DDX60: variants seen among roughly 807,000 people sequenced by gnomAD.
DDX60 encodes probable ATP-dependent RNA helicase DDX60.
A neutral mutation model predicts 212.8 loss-of-function variants in DDX60; 165 were observed. The observed-to-expected ratio is 0.78, with a 90% CI of 0.68 to 0.88. The LOEUF (loss-of-function observed/expected upper bound fraction) is 0.88. DDX60 is among the 40% of genes least tolerant of loss of function. The pLI is 0.00. For synonymous variants in DDX60, 703 were observed against 685.3 expected (o/e 1.03, Z -0.40); for missense variants, 1,905 against 2,003.9 (o/e 0.95, Z 0.94).
chr4:168,227,148 T>C (rs1350160327), intron 33 of DDX60, among the ~76,000 whole-genome samples: 1 of 152,010 alleles, frequency 6.6e-6, no homozygotes, highest in Non-Finnish European at 1.5e-5. Context: ...ATGTTATCCT[T>C]ACAAAGTTTG....
chr4:168,314,994 A>C (rs1270192760), intron 1 of DDX60, among the ~76,000 whole-genome samples: 2 of 152,206 alleles, frequency 1.3e-5, no homozygotes, highest in Non-Finnish European at 2.9e-5. Flanking sequence ...AAGAAATGGA[A>C]GTCAGGCCAT....
At position 168,280,483 on chromosome 4, in the gene DDX60, C is replaced by G. The variant is rs772207610; in HGVS notation, c.1830G>C (p.Glu610Asp). The change falls in exon 14 of 38, where the codon GAG (glutamate) becomes GAC (aspartate). Residue 610 changes from glutamate to aspartate, a missense_variant. Glu to Asp is a conservative substitution (Grantham distance 45). Transcript: ENST00000393743. The stretch of plus-strand genomic sequence containing the variant: ...CAGAGTGTAAATTTTCTTTCAATTG[C>G]TCTTCAATAGAAAATGACAAAGCAT... ...KWNALSFSIE[E>D]QLKENLHSGI... is the part of the protein sequence containing the mutation. 6.2e-7 allele frequency: 1 copy of G among 1,614,108 alleles called. No individual in the cohort carries two copies. The highest frequency in any genetic ancestry group is 1.1e-5 in the South Asian group (1 of 91,082).
At chr4:168,319,402 G>T (rs1456367132), upstream of DDX60, among the ~76,000 whole-genome samples, 1 of 152,126 alleles carries the variant, frequency 6.6e-6, no homozygotes, top group Non-Finnish European at 1.5e-5. Context: ...TGAAATTGGA[G>T]ATCTTGCTGC....
At chr4:168,301,437 G>C (rs1228158562) in intron 6 of DDX60, among the ~76,000 whole-genome samples, 1 of 152,132 alleles carries the variant, frequency 6.6e-6, no homozygotes. Flanking sequence ...AGAAAGTACA[G>C]AAAGATGAGG....
Position 168,220,097 on chromosome 4 carries a change from T to C in DDX60, c.5039+558A>G, listed in dbSNP as rs139758325. On this transcript the variant is annotated intron_variant, in intron 37 of 37. Coordinates refer to ENST00000393743, the MANE Select transcript of DDX60 (RefSeq NM_017631.6). ...CAACTAAGCAACAGTAGATGGTCAA[T>C]GAAGCCTAAGAATGGGGTACCCACA... is the stretch of plus-strand genomic sequence containing the variant. Among the ~76,000 whole-genome samples the C allele has an allele frequency of 1.9e-3, 282 of 152,054 alleles. 1 individual carries two copies. The highest frequency in any genetic ancestry group is 3.1e-3 in the Admixed American group (48 of 15,266).
At position 168,225,599 on chromosome 4, in the gene DDX60, G is replaced by T; in HGVS notation, c.4611C>A (p.Thr1537=). The change falls in exon 34 of 38, where the codon ACC becomes ACA. Residue 1537 remains threonine, a synonymous_variant. Coordinates refer to ENST00000393743, the MANE Select transcript of DDX60 (RefSeq NM_017631.6). The stretch of plus-strand genomic sequence containing the variant: ...GTTTGGAAACAATTCGTAGGAAAGT[G>T]GTAAAGTCCTCCATAATTTTCATGT... ...EYNMKIMEDF[T]TFLRIVSKLA... The T allele has an allele frequency of 4.3e-6, 7 of 1,611,250 alleles. No homozygotes were observed. The highest frequency in any genetic ancestry group is 5.9e-6 in the Non-Finnish European group (7 of 1,178,696).
intron 12 of DDX60, among the ~76,000 whole-genome samples, chr4:168,284,400 G>A (rs1735729190): frequency 6.6e-6 from 1 of 152,174 alleles, no homozygotes; most frequent in Non-Finnish European, 1.5e-5. Context: ...ACTGTTAGTG[G>A]TTTCATGGGC....
intron 6 of DDX60, among the ~76,000 whole-genome samples, chr4:168,296,183 G>A (rs1295596006): frequency 6.6e-6 from 1 of 152,074 alleles, no homozygotes; most frequent in African/African-American, 2.4e-5. Flanking sequence ...GCAAGGTGAT[G>A]GATATGTTAA....
intron 30 of DDX60, among the ~76,000 whole-genome samples, chr4:168,243,779 C>T (rs1733930389): frequency 6.6e-6 from 1 of 152,156 alleles, no homozygotes; most frequent in Non-Finnish European, 1.5e-5. Flanking sequence ...AAATATAAAT[C>T]ATTCCATTAT....
At position 168,220,730 on chromosome 4, in the gene DDX60, A is replaced by C; in HGVS notation, c.4977-13T>G. 1.5e-6 allele frequency: 2 copies of C among 1,346,328 alleles called. No individual in the cohort carries two copies. The highest frequency in any genetic ancestry group is 2.0e-6 in the Non-Finnish European group (2 of 1,016,674). The allele number at this position is 1,346,328 out of a possible 1,614,324, so 83.4% of individuals were successfully genotyped here. On this transcript the variant is annotated splice_polypyrimidine_tract_variant and intron_variant, in intron 36 of 37. Coordinates refer to ENST00000393743, the MANE Select transcript of DDX60 (RefSeq NM_017631.6). ...TCCTTCATTCATCCTAAAGAAAACA[A>C]CATTTTGAAAATTAATAATACAAAA...
chr4:168,288,372 T>C (rs1560861581), intron 8 of DDX60, 57 bp from the exon 9 acceptor site: 1 of 1,226,050 alleles, frequency 8.2e-7, no homozygotes, highest in Admixed American at 2.5e-5. Context: ...CAATAAACTA[T>C]AGGGTTCATA....
At chr4:168,269,528 A>G (rs1195026227) in intron 19 of DDX60, among the ~76,000 whole-genome samples, 3 of 151,974 alleles carry the variant, frequency 2.0e-5, no homozygotes, top group Admixed American at 1.3e-4. Context: ...GTGAACCCGG[A>G]AGGCAGAGCT....
At position 168,293,812 on chromosome 4, in the gene DDX60, G is replaced by A; in HGVS notation, c.857C>T (p.Ser286Phe). The A allele has an allele frequency of 6.2e-7, 1 of 1,613,474 alleles. No homozygotes were observed. The highest frequency in any genetic ancestry group is 8.5e-7 in the Non-Finnish European group (1 of 1,179,744). The change falls in exon 7 of 38, where the codon TCT becomes TTT. Residue 286 changes from serine (S) to phenylalanine (F), a missense_variant. Transcript: ENST00000393743. ...HRFLGNREPSSGQETEIQQVN... is the reference protein window; with the variant it reads ...HRFLGNREPSFGQETEIQQVN... ...CTGTTGGATCTCAGTTTCCTGACCA[G>A]AGGAGGGCTCTCTGTTTCCTAAAAA...
chr4:168,317,074 AAAG>A (rs796450745), intron 1 of DDX60, among the ~76,000 whole-genome samples: 36 of 148,928 alleles, frequency 2.4e-4, no homozygotes, highest in Non-Finnish European at 3.7e-4. Flanking sequence ...AAAAAAAAAA[AAAG>A]AAGAAGAAGA....
intron 28 of DDX60, among the ~76,000 whole-genome samples, chr4:168,249,241 T>C (rs1002623105): frequency 2.0e-5 from 3 of 152,180 alleles, no homozygotes; most frequent in African/African-American, 4.8e-5. Context: ...TAAATTGTCA[T>C]AACTGAGCAG....
chr4:168,275,198 A>C, intron 16 of DDX60, 147 bp downstream of exon 16: 1 of 767,406 alleles, frequency 1.3e-6, no homozygotes, highest in South Asian at 3.1e-5. Context: ...TGGGGAAAAA[A>C]TAGTCCACAT....
At chr4:168,218,376 A>T (rs1732926412) in intron 37 of DDX60, among the ~76,000 whole-genome samples, 1 of 152,158 alleles carries the variant, frequency 6.6e-6, no homozygotes, top group Non-Finnish European at 1.5e-5. Flanking sequence ...AACTTTGGTC[A>T]TCTTTACCAA....
At chr4:168,251,834 G>T (rs1208024224) in intron 27 of DDX60, among the ~76,000 whole-genome samples, 1 of 152,210 alleles carries the variant, frequency 6.6e-6, no homozygotes, top group Admixed American at 6.5e-5. Flanking sequence ...AAGTTTGTAT[G>T]TGTATAGTCA....
At chr4:168,244,881 A>G (rs1377524127) in intron 30 of DDX60, among the ~76,000 whole-genome samples, 1 of 152,164 alleles carries the variant, frequency 6.6e-6, no homozygotes, top group Non-Finnish European at 1.5e-5. Context: ...TTTCTCATAA[A>G]AAAAAATAGC....
Sources: gnomAD v4.1 joint callset for allele counts (sites outside exome capture counted in the v4.1 genomes callset) on GRCh38, gnomAD v4.1.1 for gene constraint, MANE v1.5 for transcripts, NCBI Gene and HGNC (gene_info 2026-07-23, HGNC 2026-07-21) for gene names.